Variants in TPX2 observed in about 807,000 individuals in gnomAD.
The protein encoded by TPX2 is targeting protein for Xklp2.
A neutral mutation model predicts 93.6 loss-of-function variants in TPX2; 21 were observed. That is an observed-to-expected ratio of 0.22 (90% CI 0.16 to 0.32). The LOEUF (loss-of-function observed/expected upper bound fraction) is 0.32. Ranked by LOEUF, TPX2 falls within the 10% of genes least tolerant of loss-of-function variation. The pLI is 1.00. For missense variants in TPX2, 776 were observed against 871.1 expected (o/e 0.89, Z 1.37); for synonymous variants, 281 against 298.3 (o/e 0.94, Z 0.60).
Position 31,797,457 on chromosome 20 carries a change from A to C in TPX2, c.1887A>C (p.Pro629=). Residue 629 remains proline (P), a synonymous_variant, in exon 16 of 18, where the codon CCA becomes CCC. Transcript: ENST00000300403. ...AAGCAGCTTGTTTCAAGGCTCGTCCAAACACCGTCATCTCTCAGGAGCCCT... is the reference window on the plus strand; with the variant it reads ...AAGCAGCTTGTTTCAAGGCTCGTCCCAACACCGTCATCTCTCAGGAGCCCT... The part of the protein sequence containing the change: ...QKEAACFKAR[P]NTVISQEPFV... 1 of 1,614,120 alleles carries C rather than the reference A, an allele frequency of 6.2e-7. No homozygotes were observed.
intron 9 of TPX2, among the ~76,000 whole-genome samples, chr20:31,777,994 C>CA (rs2062012063): frequency 6.6e-6 from 1 of 152,090 alleles, no homozygotes; most frequent in Non-Finnish European, 1.5e-5. Context: ...AGGCTGGTCT[C>CA]AAACTCCTGA....
At chr20:31,752,304 A>C (rs557879315) in intron 2 of TPX2, among the ~76,000 whole-genome samples, 46 of 152,264 alleles carry the variant, frequency 3.0e-4, no homozygotes, top group African/African-American at 1.1e-3. Context: ...CAGGAAAGAA[A>C]ATTTTTTCCT....
chr20:31,747,360 C>A (rs984669107), intron 2 of TPX2, among the ~76,000 whole-genome samples: 1 of 152,120 alleles, frequency 6.6e-6, no homozygotes, highest in African/African-American at 2.4e-5. Context: ...CTTCGTGATC[C>A]GCCTGCCTTG....
intron 5 of TPX2, 30 bp from the exon 6 acceptor site, chr20:31,770,313 T>C: frequency 7.1e-7 from 1 of 1,413,660 alleles, no homozygotes. Flanking sequence ...TATATATTTA[T>C]TATATATTTT....
rs374662220 is a variant in TPX2, at chr20:31,741,856, C to T, written c.-177-685C>T. On this transcript the variant is annotated intron_variant, in intron 1 of 17. Coordinates refer to ENST00000300403, the MANE Select transcript of TPX2 (RefSeq NM_012112.5). ...TCTCAAACTCCTTATCTCAGGTGAT[C>T]CACCTGCCTCGGCCTCCCAAAGTGC... Among the ~76,000 whole-genome samples, 156 of 152,110 alleles carry T rather than the reference C, an allele frequency of 1.0e-3. 2 individuals carry two copies. The South Asian group carries it at 0.027, about 26-fold the overall frequency.
intron 9 of TPX2, 98 bp downstream of exon 9, chr20:31,777,736 A>G (rs755924425): frequency 1.5e-4 from 185 of 1,258,076 alleles, no homozygotes; most frequent in Non-Finnish European, 1.9e-4. Context: ...TATAATTGAG[A>G]AAAAAAACCT....
At chr20:31,781,964 C>T (rs562160841) in intron 10 of TPX2, among the ~76,000 whole-genome samples, 1 of 152,108 alleles carries the variant, frequency 6.6e-6, no homozygotes, top group East Asian at 1.9e-4. Flanking sequence ...TCAGTCTAGG[C>T]CCGTGCAGTG....
chr20:31,750,864 T>G lies in TPX2; in HGVS notation c.-70-6543T>G, dbSNP rs138937258. 2.7e-3 allele frequency among the ~76,000 whole-genome samples: 409 copies of G among 152,320 alleles called. 1 individual carries two copies. The highest frequency in any genetic ancestry group is 6.5e-3 in the African/African-American group (271 of 41,580). ...CTCAGTTTCTTTTGGGCTGCAAACA[T>G]AGATCTAGGGAAATAAATACTGCTT... On this transcript the variant is annotated intron_variant, in intron 2 of 17. Transcript: ENST00000300403.
chr20:31,795,638 A>G (rs961680868), intron 15 of TPX2, among the ~76,000 whole-genome samples: 1 of 152,268 alleles, frequency 6.6e-6, no homozygotes, highest in East Asian at 1.9e-4. Flanking sequence ...GATCTTATCT[A>G]TTCCATCTAT....
At position 31,749,295 on chromosome 20, in the gene TPX2, G is replaced by A. The variant is rs548187417; in HGVS notation, c.-71+6648G>A. The stretch of plus-strand genomic sequence containing the variant: ...GGCAGTGGATAAGAACACCACCTTC[G>A]GTGTCTATTCCATTTGGAATCCTGG... On this transcript the variant is annotated intron_variant, in intron 2 of 17. Transcript: ENST00000300403. Among the ~76,000 whole-genome samples, 5 of 152,218 alleles carry A rather than the reference G, an allele frequency of 3.3e-5. No homozygotes were observed. In the East Asian group the frequency reaches 5.8e-4, roughly 18 times the overall value.
At chr20:31,745,763 T>C (rs1048111321) in intron 2 of TPX2, among the ~76,000 whole-genome samples, 13 of 152,230 alleles carry the variant, frequency 8.5e-5, no homozygotes, top group African/African-American at 3.1e-4. Flanking sequence ...CTGTCAACCA[T>C]TACAAACTTT....
chr20:31,781,282 A>G lies in TPX2; in HGVS notation c.1055-967A>G, dbSNP rs867799090. 2.7e-3 allele frequency among the ~76,000 whole-genome samples: 316 copies of G among 117,036 alleles called. 1 individual carries two copies. Among genetic ancestry groups the G allele is most frequent in the African/African-American group, 0.011 (296 of 26,598 alleles). The allele number at this position is 117,036 out of a possible 152,430, so 76.8% of individuals were successfully genotyped here. A position where few individuals can be genotyped will look rare whatever the true frequency, so the allele number is the denominator to read the frequency against. On this transcript the variant is annotated intron_variant, in intron 10 of 17. Transcript: ENST00000300403. ...TTTTTTTTTTTTTTTTTTGAGACAGAGTCTCGCTCTGTCGCCTAGGCCAGA... is the reference window on the plus strand; with the variant it reads ...TTTTTTTTTTTTTTTTTTGAGACAGGGTCTCGCTCTGTCGCCTAGGCCAGA...
At chr20:31,759,407 T>G (rs1019947664) in intron 3 of TPX2, among the ~76,000 whole-genome samples, 1 of 146,836 alleles carries the variant, frequency 6.8e-6, no homozygotes. Context: ...TTTTTTTTTT[T>G]TTTTTTTTTT....
chr20:31,761,784 C>T (rs1342477141), intron 4 of TPX2, among the ~76,000 whole-genome samples: 3 of 152,150 alleles, frequency 2.0e-5, no homozygotes, highest in African/African-American at 7.2e-5. Flanking sequence ...AGGGGGATTG[C>T]TGGATCATAT....
At chr20:31,800,122 ACAGCTATTGG>A (rs775923214) in intron 17 of TPX2, among the ~76,000 whole-genome samples, 5 of 152,116 alleles carry the variant, frequency 3.3e-5, no homozygotes, top group Admixed American at 6.5e-5. Flanking sequence ...AGCAGTTGAA[ACAGCTATTGG>A]CAGCTATTGG....
In TPX2 at chr20:31,779,041, T is replaced by C. The variant is rs971456343; in HGVS notation, c.1054+57T>C. On this transcript the variant is annotated intron_variant, in intron 10 of 17. Transcript: ENST00000300403. The stretch of plus-strand genomic sequence containing the variant: ...GAACCTCTCCTACATTCCCTCTGCT[T>C]ACATCTTAGGCACAGATTTGTCTTT... 4.0e-6 allele frequency: 6 copies of C among 1,485,320 alleles called. No homozygotes were observed. In the Admixed American group the frequency reaches 7.3e-5, roughly 18 times the overall value. 92.0% of individuals were successfully genotyped at this position (1,485,320 alleles called of 1,614,324 possible). A position where few individuals can be genotyped will look rare whatever the true frequency, so the allele number is the denominator to read the frequency against.
chr20:31,740,294 AC>A (rs2122927776), intron 1 of TPX2, among the ~76,000 whole-genome samples: 1 of 152,336 alleles, frequency 6.6e-6, no homozygotes, highest in East Asian at 1.9e-4. Flanking sequence ...CTCTTGGTTT[AC>A]TTCCTGCTTC....
chr20:31,799,897 C>CAAAAAAAAAAAAAAAAAAAAAAA (rs533016889), intron 17 of TPX2, among the ~76,000 whole-genome samples: 1 of 63,988 alleles, frequency 1.6e-5, no homozygotes, highest in African/African-American at 6.0e-5. Flanking sequence ...GAGACTGTCT[C>CAAAAAAAAAAAAAAAAAAAAAAA]AAAAAAAAAA....
At chr20:31,755,281 A>C (rs1302051502) in intron 2 of TPX2, among the ~76,000 whole-genome samples, 3 of 151,008 alleles carry the variant, frequency 2.0e-5, no homozygotes, top group Non-Finnish European at 4.4e-5. Context: ...ATGGGGTTTC[A>C]CCATGTTGGC....
Sources: gnomAD v4.1 joint callset for allele counts (sites outside exome capture counted in the v4.1 genomes callset) on GRCh38, gnomAD v4.1.1 for gene constraint, MANE v1.5 for transcripts, NCBI Gene and HGNC (gene_info 2026-07-23, HGNC 2026-07-21) for gene names.